The following HTR1F variants were observed in gnomAD, a reference collection of about 807,000 sequenced individuals.
HTR1F encodes 5-hydroxytryptamine receptor 1F.
In HTR1F, 17 loss-of-function variants were observed where a neutral mutation model predicts 24.0. The ratio of observed to expected loss-of-function variants is 0.71; its 90% CI spans 0.48 to 1.06. HTR1F has a LOEUF of 1.06. Among genes scored for constraint, HTR1F ranks in the 50% least tolerant of loss-of-function variants. The pLI, the probability that HTR1F is intolerant of heterozygous loss-of-function variation, is 0.00. For synonymous variants in HTR1F, 186 were observed against 156.8 expected (o/e 1.19, Z -1.39); for missense variants, 391 against 427.8 (o/e 0.91, Z 0.76).
chr3:87,825,653 G>T (rs1156353696), intron 2 of HTR1F, among the ~76,000 whole-genome samples: 2 of 152,054 alleles, frequency 1.3e-5, no homozygotes, highest in Admixed American at 1.3e-4. Context: ...TTTAAAAATT[G>T]ACCCATTTTA....
chr3:87,908,760 T>C (rs1402755607), intron 2 of HTR1F, among the ~76,000 whole-genome samples: 2 of 152,054 alleles, frequency 1.3e-5, no homozygotes, highest in South Asian at 4.1e-4. Context: ...TTGTGAATCT[T>C]TAAGACTTAG....
intron 2 of HTR1F, among the ~76,000 whole-genome samples, chr3:87,982,531 A>G (rs1323677145): frequency 3.3e-5 from 5 of 152,172 alleles, no homozygotes; most frequent in African/African-American, 1.2e-4. Context: ...GTAGGCAGAA[A>G]GCAGGCTAAG....
intron 1 of HTR1F, among the ~76,000 whole-genome samples, chr3:87,813,602 CA>C (rs1214797363): frequency 1.3e-5 from 2 of 151,986 alleles, no homozygotes; most frequent in East Asian, 1.9e-4. Context: ...TGGGAAGGGC[CA>C]GGGGCAGAAT....
chr3:87,848,250 AT>A (rs1360578270), intron 2 of HTR1F, among the ~76,000 whole-genome samples: 1 of 151,710 alleles, frequency 6.6e-6, no homozygotes, highest in African/African-American at 2.4e-5. Flanking sequence ...TTTGATTTGC[AT>A]TTCCCTGGAG....
chr3:87,909,602 A>G (rs1703733434), intron 2 of HTR1F, among the ~76,000 whole-genome samples: 1 of 152,086 alleles, frequency 6.6e-6, no homozygotes, highest in Non-Finnish European at 1.5e-5. Context: ...TTTACCAGAA[A>G]GAATAAGTTC....
At chr3:87,828,817 A>T (rs949034257) in intron 2 of HTR1F, among the ~76,000 whole-genome samples, 1 of 152,154 alleles carries the variant, frequency 6.6e-6, no homozygotes, top group African/African-American at 2.4e-5. Flanking sequence ...TTACTTGAAA[A>T]TGTAGATTAA....
intron 2 of HTR1F, among the ~76,000 whole-genome samples, chr3:87,864,107 T>C (rs1073129): frequency 0.083 from 12,654 of 152,212 alleles, 1,679 homozygotes; most frequent in African/African-American, 0.28. Flanking sequence ...TATGATTACA[T>C]TGGGCTCACT....
chr3:87,928,710 C>A (rs1318296582), intron 2 of HTR1F, among the ~76,000 whole-genome samples: 3 of 152,078 alleles, frequency 2.0e-5, no homozygotes, highest in African/African-American at 2.4e-5. Context: ...TATTATGTAT[C>A]CATTTGTCTT....
At chr3:87,806,144 T>A (rs186460065) in intron 1 of HTR1F, among the ~76,000 whole-genome samples, 1 of 152,114 alleles carries the variant, frequency 6.6e-6, no homozygotes, top group Non-Finnish European at 1.5e-5. Flanking sequence ...CCACATTTTC[T>A]TTATTCATCC....
intron 2 of HTR1F, among the ~76,000 whole-genome samples, chr3:87,959,109 T>C (rs562225671): frequency 9.9e-5 from 15 of 151,924 alleles, no homozygotes; most frequent in African/African-American, 3.6e-4. Context: ...TTTGATGTAC[T>C]TAATCTCTTA....
intron 2 of HTR1F, among the ~76,000 whole-genome samples, chr3:87,836,690 T>A (rs1331669289): frequency 2.0e-5 from 3 of 152,178 alleles, no homozygotes; most frequent in South Asian, 2.1e-4. Flanking sequence ...AGCAATTCAA[T>A]GATCTTCCAG....
At chr3:87,969,421 G>T (rs1232931323) in intron 2 of HTR1F, among the ~76,000 whole-genome samples, 1 of 152,200 alleles carries the variant, frequency 6.6e-6, no homozygotes, top group Non-Finnish European at 1.5e-5. Flanking sequence ...GCATGACCTG[G>T]ATGTGAGACA....
intron 1 of HTR1F, among the ~76,000 whole-genome samples, chr3:87,812,854 C>A (rs1399031483): frequency 1.3e-5 from 2 of 152,216 alleles, no homozygotes; most frequent in Non-Finnish European, 2.9e-5. Flanking sequence ...TCAGAGGGTG[C>A]AAGCCCCAAG....
At chr3:87,916,306 A>G (rs1298445710) in intron 2 of HTR1F, among the ~76,000 whole-genome samples, 5 of 77,438 alleles carry the variant, frequency 6.5e-5, no homozygotes, top group African/African-American at 2.5e-4. Context: ...AAAAAGCAAA[A>G]AAGAAAAAAA....
chr3:87,896,327 A>C (rs1305920550), intron 2 of HTR1F, among the ~76,000 whole-genome samples: 3 of 152,232 alleles, frequency 2.0e-5, no homozygotes, highest in Non-Finnish European at 4.4e-5. Flanking sequence ...AGGGACATAC[A>C]GTCCATCTAC....
At chr3:87,922,782 T>C (rs1449206279) in intron 2 of HTR1F, among the ~76,000 whole-genome samples, 1 of 151,660 alleles carries the variant, frequency 6.6e-6, no homozygotes, top group East Asian at 1.9e-4. Flanking sequence ...GACTGTCCCT[T>C]CCCCAGTGCA....
chr3:87,915,390 G>A (rs1422852062), intron 2 of HTR1F, among the ~76,000 whole-genome samples: 1 of 152,134 alleles, frequency 6.6e-6, no homozygotes, highest in Admixed American at 6.6e-5. Context: ...CAGGAGGTTA[G>A]TTATTAAGCT....
chr3:87,924,355 A>C (rs1704077001), intron 2 of HTR1F, among the ~76,000 whole-genome samples: 1 of 151,880 alleles, frequency 6.6e-6, no homozygotes, highest in African/African-American at 2.4e-5. Flanking sequence ...AATTATTTTT[A>C]GTTTGTTTTG....
intron 2 of HTR1F, among the ~76,000 whole-genome samples, chr3:87,951,364 G>A (rs1704829897): frequency 6.6e-6 from 1 of 152,114 alleles, no homozygotes; most frequent in African/African-American, 2.4e-5. Flanking sequence ...GCAATCCTAT[G>A]AGGTCAATAC....
Sources: gnomAD v4.1 joint callset for allele counts (sites outside exome capture counted in the v4.1 genomes callset) on GRCh38, gnomAD v4.1.1 for gene constraint, MANE v1.5 for transcripts, NCBI Gene and HGNC (gene_info 2026-07-23, HGNC 2026-07-21) for gene names.